DOCK2: variants seen among roughly 807,000 people sequenced by gnomAD.
DOCK2 encodes the protein dedicator of cytokinesis protein 2.
DOCK2 carries 87 observed loss-of-function variants against 248.9 expected under a neutral mutation model. That is an observed-to-expected ratio of 0.35 (90% confidence interval 0.29 to 0.42). The LOEUF (loss-of-function observed/expected upper bound fraction) is 0.42. DOCK2 is among the 10% of genes least tolerant of loss of function. The probability of loss-of-function intolerance (pLI) is 1.00; values close to 1 mark genes in which losing one functional copy is unlikely to be tolerated. For missense variants in DOCK2, 1,747 were observed against 2,300.2 expected (o/e 0.76, Z 4.92); for synonymous variants, 805 against 821.6 (o/e 0.98, Z 0.35).
intron 27 of DOCK2, among the ~76,000 whole-genome samples, chr5:169,963,053 A>G (rs1777156144): frequency 6.6e-6 from 1 of 152,184 alleles, no homozygotes; most frequent in African/African-American, 2.4e-5. Flanking sequence ...CTTTACAGTT[A>G]CAGTTCCCAT....
At chr5:169,890,835 T>C (rs1773238553) in intron 27 of DOCK2, among the ~76,000 whole-genome samples, 1 of 152,192 alleles carries the variant, frequency 6.6e-6, no homozygotes, top group Non-Finnish European at 1.5e-5. Context: ...GTCTCCATCA[T>C]CTCTCACCTG....
chr5:169,767,382 T>G (rs1050108800), intron 25 of DOCK2, among the ~76,000 whole-genome samples: 2 of 152,220 alleles, frequency 1.3e-5, no homozygotes, highest in Non-Finnish European at 2.9e-5. Context: ...TTTAGTTTAA[T>G]TAGGTCCCAC....
chr5:169,786,796 C>T (rs1409634460), intron 25 of DOCK2, among the ~76,000 whole-genome samples: 1 of 152,132 alleles, frequency 6.6e-6, no homozygotes, highest in Non-Finnish European at 1.5e-5. Flanking sequence ...TGTACACACA[C>T]ACGTATTTAT....
chr5:169,765,281 G>A (rs1301382760), intron 25 of DOCK2, among the ~76,000 whole-genome samples: 2 of 152,178 alleles, frequency 1.3e-5, no homozygotes, highest in South Asian at 2.1e-4. Context: ...GGCACATGTG[G>A]CTAGTTAGCC....
At chr5:170,039,869 A>C (rs1321160412) in intron 36 of DOCK2, among the ~76,000 whole-genome samples, 1 of 152,180 alleles carries the variant, frequency 6.6e-6, no homozygotes, top group Non-Finnish European at 1.5e-5. Flanking sequence ...CACATGAAGA[A>C]ATTAGCATAT....
chr5:169,881,278 T>C (rs768186282), intron 27 of DOCK2: 46 of 1,100,972 alleles, frequency 4.2e-5, no homozygotes, highest in Non-Finnish European at 5.1e-5. Flanking sequence ...TTGCCTCTCT[T>C]GACTTTTTGC....
chr5:169,977,580 G>GT (rs1581496988), intron 27 of DOCK2, among the ~76,000 whole-genome samples: 1 of 152,314 alleles, frequency 6.6e-6, no homozygotes, highest in East Asian at 1.9e-4. Context: ...CACAAAACTA[G>GT]TAAGAGATAC....
intron 25 of DOCK2, among the ~76,000 whole-genome samples, chr5:169,783,742 C>T (rs963550864): frequency 6.6e-6 from 1 of 152,134 alleles, no homozygotes; most frequent in African/African-American, 2.4e-5. Flanking sequence ...ATACTAGTTA[C>T]TTTTAATAAT....
At chr5:169,814,801 A>G (rs974730028) in intron 26 of DOCK2, among the ~76,000 whole-genome samples, 4 of 152,178 alleles carry the variant, frequency 2.6e-5, no homozygotes, top group Admixed American at 1.3e-4. Context: ...TGTGAAGGGA[A>G]ATTACACATA....
chr5:170,076,481 G>A (rs565093434), intron 47 of DOCK2, among the ~76,000 whole-genome samples: 2 of 152,332 alleles, frequency 1.3e-5, no homozygotes, highest in South Asian at 4.1e-4. Context: ...AGGTTCAGAA[G>A]GTCAGGCAAC....
At chr5:169,800,792 T>C (rs183693943) in intron 25 of DOCK2, among the ~76,000 whole-genome samples, 1 of 152,188 alleles carries the variant, frequency 6.6e-6, no homozygotes, top group Non-Finnish European at 1.5e-5. Flanking sequence ...GCTGAGGAAC[T>C]AGTTATCGGA....
chr5:169,780,906 A>G (rs1765679120), intron 25 of DOCK2, among the ~76,000 whole-genome samples: 3 of 152,114 alleles, frequency 2.0e-5, no homozygotes, highest in Admixed American at 2.0e-4. Context: ...ATACTTCTAA[A>G]TAAAGACCAA....
chr5:170,077,924 C>T, intron 48 of DOCK2, 87 bp downstream of exon 48: 1 of 1,109,024 alleles, frequency 9.0e-7, no homozygotes, highest in Non-Finnish European at 1.3e-6. Flanking sequence ...CGGCAACATC[C>T]CTTCTACCTT....
chr5:169,662,604 A>G (rs1019606866), intron 2 of DOCK2, among the ~76,000 whole-genome samples: 1 of 152,228 alleles, frequency 6.6e-6, no homozygotes, highest in African/African-American at 2.4e-5. Flanking sequence ...ACTTAAAATC[A>G]TGGTGGAAGA....
At chr5:169,640,939 G>T (rs1260400408) in intron 1 of DOCK2, among the ~76,000 whole-genome samples, 1 of 152,228 alleles carries the variant, frequency 6.6e-6, no homozygotes, top group Non-Finnish European at 1.5e-5. Context: ...CCCATGTGTG[G>T]TGTTGAGGAA....
At chr5:170,008,348 C>A in intron 30 of DOCK2, 149 bp from the exon 31 acceptor site, 1 of 743,610 alleles carries the variant, frequency 1.3e-6, no homozygotes, top group Admixed American at 2.6e-5. Flanking sequence ...ATTTCAGAGT[C>A]AGTGCCAGTT....
At chr5:169,796,576 A>G (rs1766668731) in intron 25 of DOCK2, among the ~76,000 whole-genome samples, 1 of 152,160 alleles carries the variant, frequency 6.6e-6, no homozygotes, top group South Asian at 2.1e-4. Context: ...GACAGCAAGA[A>G]TCTCACTGGT....
intron 41 of DOCK2, among the ~76,000 whole-genome samples, chr5:170,052,519 C>A (rs886320206): frequency 1.3e-5 from 2 of 152,128 alleles, no homozygotes; most frequent in African/African-American, 4.8e-5. Flanking sequence ...AGACTGAGGG[C>A]TTTATATCCT....
intron 2 of DOCK2, among the ~76,000 whole-genome samples, chr5:169,656,061 T>C (rs1478246962): frequency 2.6e-5 from 4 of 152,118 alleles, no homozygotes; most frequent in Non-Finnish European, 4.4e-5. Context: ...TTGAATTGGG[T>C]CTGTGATTCC....
Sources: allele counts gnomAD v4.1 joint callset (sites outside exome capture counted in the v4.1 genomes callset), GRCh38; gene constraint gnomAD v4.1.1; transcripts MANE v1.5; gene names NCBI Gene and HGNC (gene_info 2026-07-23, HGNC 2026-07-21).